The following IDE variants were observed in gnomAD, a reference collection of about 807,000 sequenced individuals.
IDE encodes insulin-degrading enzyme.
A neutral mutation model predicts 133.2 loss-of-function variants in IDE; 58 were observed. The observed-to-expected ratio is 0.44, with a 90% CI of 0.35 to 0.54. The LOEUF is 0.54. Ranked by LOEUF, IDE falls within the 20% of genes least tolerant of loss-of-function variation. The pLI, the probability that IDE is intolerant of heterozygous loss-of-function variation, is 0.00. For missense variants in IDE, 981 were observed against 1,234.0 expected, an observed-to-expected ratio of 0.79 and a Z score of 3.07; for synonymous variants, 396 against 421.3, an observed-to-expected ratio of 0.94 and a Z score of 0.73.
intron 21 of IDE, among the ~76,000 whole-genome samples, chr10:92,462,388 A>G (rs1845441501): frequency 6.6e-6 from 1 of 150,490 alleles, no homozygotes; most frequent in Admixed American, 6.6e-5. Context: ...TGGGAGGCCG[A>G]GGCAGGGGGA....
chr10:92,536,924 G>A (rs982302885), intron 2 of IDE, among the ~76,000 whole-genome samples: 1 of 151,540 alleles, frequency 6.6e-6, no homozygotes, highest in African/African-American at 2.4e-5. Flanking sequence ...TGTAGTCCCA[G>A]CTACTCAGGA....
At chr10:92,517,843 G>T (rs1026093651) in intron 4 of IDE, among the ~76,000 whole-genome samples, 2 of 152,042 alleles carry the variant, frequency 1.3e-5, no homozygotes, top group African/African-American at 4.8e-5. Flanking sequence ...TTGAAACCAG[G>T]AGGCAGAGAC....
intron 1 of IDE, among the ~76,000 whole-genome samples, chr10:92,551,614 C>A (rs1349180540): frequency 6.8e-6 from 1 of 146,996 alleles, no homozygotes; most frequent in African/African-American, 2.5e-5. Context: ...CACAAAAGGA[C>A]AAATACTACA....
intron 1 of IDE, among the ~76,000 whole-genome samples, chr10:92,545,251 C>T (rs1251791369): frequency 6.6e-6 from 1 of 151,638 alleles, no homozygotes; most frequent in Non-Finnish European, 1.5e-5. Flanking sequence ...CTAACCAGTC[C>T]AAATAAACCA....
chr10:92,455,236 G>A (rs1332826281), intron 24 of IDE, among the ~76,000 whole-genome samples: 1 of 151,604 alleles, frequency 6.6e-6, no homozygotes, highest in East Asian at 1.9e-4. Context: ...AGCACTCTGG[G>A]AGGCCGACGC....
At chr10:92,512,559 T>TAAA (rs11373926) in intron 5 of IDE, among the ~76,000 whole-genome samples, 3 of 140,116 alleles carry the variant, frequency 2.1e-5, no homozygotes, top group Admixed American at 7.1e-5. Context: ...CAACATAGAT[T>TAAA]AAAAAAAAAA....
intron 20 of IDE, among the ~76,000 whole-genome samples, chr10:92,465,102 C>T (rs1845604911): frequency 6.6e-6 from 1 of 152,224 alleles, no homozygotes; most frequent in Non-Finnish European, 1.5e-5. Context: ...CCATGTCCAG[C>T]ACCTAGCACA....
intron 5 of IDE, among the ~76,000 whole-genome samples, chr10:92,511,102 C>CT (rs749758838): frequency 0.011 from 1,158 of 105,360 alleles, 9 homozygotes; most frequent in African/African-American, 0.027. Flanking sequence ...AAAAAAAAAA[C>CT]TTTTTTTTTT....
chr10:92,573,912 T>TTCCGCTTA lies in IDE; in HGVS notation c.98+2_98+9dup. The stretch of plus-strand genomic sequence containing the variant: ...GGGGCCCGAGGGCCCGGGCGCTCCA[T>TTCCGCTTA]TCCGCTTACCCACACAGGCGCTCCG... On this transcript the variant is annotated intron_variant, in intron 1 of 24. Coordinates refer to ENST00000265986, the MANE Select transcript of IDE (RefSeq NM_004969.4). The TTCCGCTTA allele has an allele frequency of 6.9e-7, 1 of 1,453,728 alleles. No individual in the cohort carries two copies. The highest frequency in any genetic ancestry group is 1.4e-5 in the South Asian group (1 of 72,024). 90.1% of individuals were successfully genotyped at this position (1,453,728 alleles called of 1,614,324 possible). A position where few individuals can be genotyped will look rare whatever the true frequency, so the allele number is the denominator to read the frequency against.
rs899419247 is a variant in IDE at position 92,456,971 on chromosome 10, CT to C, written c.2824-541del. ...TTTAGCAAGGCACGCAAGAATTATT[CT>C]TTTTTTTTCCTTTCCTTTTCTTACT... On this transcript the variant is annotated intron_variant, in intron 22 of 24. Coordinates refer to ENST00000265986, the MANE Select transcript of IDE (RefSeq NM_004969.4). Among the ~76,000 whole-genome samples the C allele has an allele frequency of 6.4e-4, 94 of 146,252 alleles. No individual in the cohort carries two copies. In the Middle Eastern group the frequency reaches 0.01, roughly 16 times the overall value.
chr10:92,477,148 G>T (rs1189771874), intron 15 of IDE, among the ~76,000 whole-genome samples: 2 of 144,440 alleles, frequency 1.4e-5, no homozygotes, highest in Non-Finnish European at 3.1e-5. Flanking sequence ...CAGGACCTTG[G>T]CTTAGCACAT....
chr10:92,519,846 T>C lies in IDE; in HGVS notation c.662-4804A>G, dbSNP rs191963751. ...TCTGCCAGGCGCGGTGGCTGACACC[T>C]GTAATCACAACACTTTAGGAGGCTG... On this transcript the variant is annotated intron_variant, in intron 4 of 24. Coordinates refer to ENST00000265986, the MANE Select transcript of IDE (RefSeq NM_004969.4). Among the ~76,000 whole-genome samples, 405 of 152,296 alleles carry C rather than the reference T, an allele frequency of 2.7e-3. 1 individual carries two copies. The highest frequency in any genetic ancestry group is 9.3e-3 in the African/African-American group (388 of 41,552).
At chr10:92,558,407 G>A (rs1166247565) in intron 1 of IDE, among the ~76,000 whole-genome samples, 1 of 152,122 alleles carries the variant, frequency 6.6e-6, no homozygotes. Context: ...GGATTGGGCA[G>A]TGGCTTCTTA....
At chr10:92,512,851 T>C (rs1281935076) in intron 5 of IDE, among the ~76,000 whole-genome samples, 1 of 152,216 alleles carries the variant, frequency 6.6e-6, no homozygotes, top group Non-Finnish European at 1.5e-5. Context: ...TTCATGATTA[T>C]AAAGGTGCTA....
At chr10:92,465,587 G>T in intron 20 of IDE, 89 bp downstream of exon 20, 2 of 1,108,556 alleles carry the variant, frequency 1.8e-6, no homozygotes, top group Non-Finnish European at 2.7e-6. Flanking sequence ...CTGATATACA[G>T]TGTTAGGTGA....
intron 20 of IDE, 152 bp downstream of exon 20, chr10:92,465,524 G>T: frequency 1.5e-6 from 1 of 650,134 alleles, no homozygotes; most frequent in Non-Finnish European, 2.7e-6. Flanking sequence ...TTATCTTTTA[G>T]AAGTGGATTC....
chr10:92,526,717 G>C (rs1268116997), intron 4 of IDE, among the ~76,000 whole-genome samples: 2 of 151,996 alleles, frequency 1.3e-5, no homozygotes, highest in African/African-American at 4.8e-5. Context: ...GTGGTAGTGT[G>C]TGCGTGTAGT....
At chr10:92,520,622 C>T (rs537319824) in intron 4 of IDE, among the ~76,000 whole-genome samples, 3 of 152,198 alleles carry the variant, frequency 2.0e-5, no homozygotes, top group Admixed American at 1.3e-4. Context: ...CTTGCTATAG[C>T]AATCTTCTAA....
chr10:92,561,231 G>A (rs1843267591), intron 1 of IDE, among the ~76,000 whole-genome samples: 1 of 151,840 alleles, frequency 6.6e-6, no homozygotes, highest in South Asian at 2.1e-4. Flanking sequence ...ACTCCAGCCT[G>A]GGCAACAAGA....
Sources: gnomAD v4.1 joint callset for allele counts (sites outside exome capture counted in the v4.1 genomes callset) on GRCh38, gnomAD v4.1.1 for gene constraint, MANE v1.5 for transcripts, NCBI Gene and HGNC (gene_info 2026-07-23, HGNC 2026-07-21) for gene names.